FLT1: variants seen among roughly 807,000 people sequenced by gnomAD.
The protein encoded by FLT1 is vascular endothelial growth factor receptor 1.
A neutral mutation model predicts 156.3 loss-of-function variants in FLT1; 49 were observed. That is an observed-to-expected ratio of 0.31 (90% confidence interval 0.25 to 0.40). The LOEUF (loss-of-function observed/expected upper bound fraction) is 0.40, where lower values mean the gene tolerates loss of function less well. Among genes scored for constraint, FLT1 ranks in the 10% least tolerant of loss-of-function variants. FLT1 has a pLI of 1.00. For missense variants in FLT1, 1,322 were observed against 1,637.2 expected (o/e 0.81, Z 3.32); for synonymous variants, 594 against 583.8 (o/e 1.02, Z -0.25).
chr13:28,376,134 C>G (rs1363055056), intron 14 of FLT1, among the ~76,000 whole-genome samples: 2 of 152,136 alleles, frequency 1.3e-5, no homozygotes, highest in African/African-American at 2.4e-5. Flanking sequence ...ATTCTGTCCT[C>G]TTAGGTACTA....
intron 10 of FLT1, among the ~76,000 whole-genome samples, chr13:28,412,214 T>C (rs1217785902): frequency 2.6e-5 from 4 of 152,208 alleles, no homozygotes; most frequent in Non-Finnish European, 5.9e-5. Flanking sequence ...ACTGTGGGTG[T>C]CGTGTCAAAA....
Position 28,396,980 on chromosome 13 carries a change from T to C in FLT1, c.1640A>G (p.Asn547Ser), listed in dbSNP as rs145358113. ...ASNKVGTVGR[N>S]ISFYITDVPN... ...CTTACCTGTGATATAAAAGCTTATGTTTCTTCCCACAGTCCCAACTTTATT... is the reference window on the plus strand; with the variant it reads ...CTTACCTGTGATATAAAAGCTTATGCTTCTTCCCACAGTCCCAACTTTATT... Residue 547 changes from asparagine (N) to serine (S), a missense_variant, in exon 12 of 30, where the codon AAC (asparagine) becomes AGC (serine). By Grantham distance (46) the Asn-to-Ser change is conservative (BLOSUM62 1). Transcript: ENST00000282397. The C allele has an allele frequency of 6.2e-7, 1 of 1,607,380 alleles. No homozygotes were observed. The highest frequency in any genetic ancestry group is 8.5e-7 in the Non-Finnish European group (1 of 1,173,982).
chr13:28,372,552 C>T (rs1390696988), intron 14 of FLT1, among the ~76,000 whole-genome samples: 2 of 103,828 alleles, frequency 1.9e-5, no homozygotes, highest in African/African-American at 3.2e-5. Context: ...ATATATTCCT[C>T]GTTTAAATAA....
At chr13:28,485,771 T>G (rs1881122858) in intron 1 of FLT1, among the ~76,000 whole-genome samples, 1 of 152,144 alleles carries the variant, frequency 6.6e-6, no homozygotes, top group Non-Finnish European at 1.5e-5. Context: ...CCTTGCAGCT[T>G]CCACCATCAC....
At chr13:28,436,005 A>C (rs1029179874) in intron 4 of FLT1, among the ~76,000 whole-genome samples, 3 of 152,244 alleles carry the variant, frequency 2.0e-5, no homozygotes, top group African/African-American at 7.2e-5. Flanking sequence ...TCTAAAAGAA[A>C]GGATTGCTGA....
At chr13:28,364,550 T>C (rs1873219724) in intron 14 of FLT1, among the ~76,000 whole-genome samples, 1 of 152,202 alleles carries the variant, frequency 6.6e-6, no homozygotes, top group South Asian at 2.1e-4. Context: ...TACTATTTTG[T>C]GTTTTCTTAT....
intron 14 of FLT1, chr13:28,368,638 CGAT>C: frequency 1.7e-6 from 2 of 1,207,394 alleles, no homozygotes; most frequent in East Asian, 5.1e-5. Flanking sequence ...ATGACGATGA[CGAT>C]GGTGACGTTG....
At chr13:28,338,768 A>G (rs1321399149) in intron 17 of FLT1, among the ~76,000 whole-genome samples, 1 of 152,044 alleles carries the variant, frequency 6.6e-6, no homozygotes, top group African/African-American at 2.4e-5. Flanking sequence ...CATATTTCTA[A>G]TCCCTCAACA....
chr13:28,310,373 G>C (rs182991367), intron 27 of FLT1, among the ~76,000 whole-genome samples: 1 of 152,074 alleles, frequency 6.6e-6, no homozygotes, highest in Admixed American at 6.6e-5. Flanking sequence ...AGAACTCCTG[G>C]GTTAGAAAAT....
chr13:28,423,532 G>A (rs568268562), intron 10 of FLT1, among the ~76,000 whole-genome samples: 3 of 152,308 alleles, frequency 2.0e-5, no homozygotes, highest in Admixed American at 6.5e-5. Context: ...ATAGTAGGCA[G>A]AAATATCCTT....
chr13:28,416,077 A>G (rs1876629080), intron 10 of FLT1, among the ~76,000 whole-genome samples: 1 of 152,228 alleles, frequency 6.6e-6, no homozygotes, highest in African/African-American at 2.4e-5. Flanking sequence ...TGTACCAGCC[A>G]CTGTGCTGAG....
chr13:28,488,298 G>A (rs1341863666), intron 1 of FLT1, among the ~76,000 whole-genome samples: 1 of 152,196 alleles, frequency 6.6e-6, no homozygotes, highest in Admixed American at 6.5e-5. Flanking sequence ...TACTTGGGAG[G>A]CTGAGGCACA....
intron 27 of FLT1, 96 bp from the exon 28 acceptor site, chr13:28,309,023 C>T (rs532730355): frequency 1.8e-4 from 133 of 732,260 alleles, no homozygotes; most frequent in South Asian, 1.7e-3. Context: ...CTAAGATGAA[C>T]CAACACACCA....
intron 4 of FLT1, among the ~76,000 whole-genome samples, chr13:28,435,967 A>G (rs1878000127): frequency 6.6e-6 from 1 of 152,234 alleles, no homozygotes; most frequent in African/African-American, 2.4e-5. Flanking sequence ...GGTACTTTAC[A>G]AATAAGTGAA....
chr13:28,307,429 G>A (rs183762141), intron 28 of FLT1, among the ~76,000 whole-genome samples: 2 of 152,196 alleles, frequency 1.3e-5, no homozygotes, highest in East Asian at 1.9e-4. Flanking sequence ...TAAAGAAGCT[G>A]TCATCATTCA....
intron 11 of FLT1, among the ~76,000 whole-genome samples, chr13:28,404,464 T>C (rs1408535470): frequency 6.6e-6 from 1 of 152,252 alleles, no homozygotes. Flanking sequence ...CAAAGAATGA[T>C]GGTGACATTA....
At chr13:28,378,793 A>G (rs1873954345) in intron 14 of FLT1, among the ~76,000 whole-genome samples, 1 of 152,236 alleles carries the variant, frequency 6.6e-6, no homozygotes, top group South Asian at 2.1e-4. Context: ...CCTACCTCAA[A>G]GGATAGTTGT....
At chr13:28,379,806 T>C (rs1348810981) in intron 14 of FLT1, among the ~76,000 whole-genome samples, 2 of 152,182 alleles carry the variant, frequency 1.3e-5, no homozygotes, top group Non-Finnish European at 2.9e-5. Flanking sequence ...TTTCTTCTGG[T>C]GAATGGCTGT....
chr13:28,357,623 C>T lies in FLT1; in HGVS notation c.2179G>A (p.Gly727Ser), dbSNP rs2137411377. The T allele has an allele frequency of 6.2e-7, 1 of 1,613,540 alleles. No individual in the cohort carries two copies. The highest frequency in any genetic ancestry group is 2.2e-5 in the East Asian group (1 of 44,876). ...FIERVTEEDE[G>S]VYHCKATNQK... ...TTGGTGGCTTTGCAGTGATAGACAC[C>T]TTCATCCTCTTCTGTGACTCTTTCA... is the stretch of plus-strand genomic sequence containing the variant. Residue 727 changes from glycine (G) to serine (S), a missense_variant, in exon 15 of 30, where the codon GGT (glycine) becomes AGT (serine). Gly to Ser is a moderately conservative substitution (Grantham distance 56, BLOSUM62 0). Coordinates refer to ENST00000282397, the MANE Select transcript of FLT1 (RefSeq NM_002019.4).
Sources: allele counts gnomAD v4.1 joint callset (sites outside exome capture counted in the v4.1 genomes callset), GRCh38; gene constraint gnomAD v4.1.1; transcripts MANE v1.5; gene names NCBI Gene and HGNC (gene_info 2026-07-23, HGNC 2026-07-21).